The following DNAH7 variants were observed in gnomAD, a reference collection of about 807,000 sequenced individuals.
DNAH7 encodes the protein dynein axonemal heavy chain 7.
Under a neutral mutation model 444.6 loss-of-function variants are expected in DNAH7, and 397 were observed. That is an observed-to-expected ratio of 0.89 (90% CI 0.82 to 0.97). DNAH7 has a LOEUF of 0.97. DNAH7 is among the 50% of genes least tolerant of loss of function. The probability of loss-of-function intolerance (pLI) is 0.00; values close to 1 mark genes in which losing one functional copy is unlikely to be tolerated. For synonymous variants in DNAH7, 1,636 were observed against 1,624.4 expected, an observed-to-expected ratio of 1.01 and a Z score of -0.17; for missense variants, 4,902 against 4,800.8, an observed-to-expected ratio of 1.02 and a Z score of -0.62.
At chr2:195,895,381 TTTC>T (rs1414676949) in intron 29 of DNAH7, among the ~76,000 whole-genome samples, 157 bp from the exon 30 acceptor site, 1 of 152,206 alleles carries the variant, frequency 6.6e-6, no homozygotes, top group African/African-American at 2.4e-5. Flanking sequence ...CGTGTATTTT[TTTC>T]TTTTTTTCAA....
intron 48 of DNAH7, among the ~76,000 whole-genome samples, chr2:195,828,048 T>A (rs192351335): frequency 3.9e-5 from 6 of 152,302 alleles, no homozygotes; most frequent in Non-Finnish European, 7.3e-5. Context: ...TTTCATCCAT[T>A]CCTTATCTAA....
intron 61 of DNAH7, among the ~76,000 whole-genome samples, chr2:195,768,770 C>T (rs573204493): frequency 6.6e-6 from 1 of 152,196 alleles, no homozygotes; most frequent in East Asian, 1.9e-4. Flanking sequence ...GACATTTTTA[C>T]AATATTGAAC....
chr2:195,776,821 TGCTCATAG>T (rs1695087298), intron 59 of DNAH7, among the ~76,000 whole-genome samples: 1 of 152,230 alleles, frequency 6.6e-6, no homozygotes, highest in Non-Finnish European at 1.5e-5. Flanking sequence ...CCTTCCTTGA[TGCTCATAG>T]AATCATATAC....
At chr2:195,940,756 C>A (rs113350994) in intron 19 of DNAH7, among the ~76,000 whole-genome samples, 3,454 of 151,836 alleles carry the variant, frequency 0.023, 107 homozygotes, top group African/African-American at 0.08. Flanking sequence ...ATGTGGCCAA[C>A]AAACCTATGA....
chr2:196,007,543 GT>G (rs1372226965), intron 10 of DNAH7, among the ~76,000 whole-genome samples: 3 of 152,116 alleles, frequency 2.0e-5, no homozygotes, highest in Admixed American at 2.0e-4. Flanking sequence ...TACTGATATG[GT>G]TTGGCTGTGT....
intron 12 of DNAH7, chr2:195,994,354 G>C: frequency 1.6e-6 from 1 of 635,324 alleles, no homozygotes; most frequent in Non-Finnish European, 2.7e-6. Context: ...CAGTCCTCTT[G>C]CAGCAGGGGA....
In DNAH7 at chr2:195,881,825, T is replaced by G. The variant is rs1701399126; in HGVS notation, c.5931A>C (p.Pro1977=). The G allele has an allele frequency of 1.2e-6, 2 of 1,613,944 alleles. No homozygotes were observed. Among genetic ancestry groups the G allele is most frequent in the Non-Finnish European group, 1.7e-6 (2 of 1,179,938 alleles). Residue 1977 remains proline, a synonymous_variant, in exon 36 of 65, where the codon CCA becomes CCC. Coordinates refer to ENST00000312428, the MANE Select transcript of DNAH7 (RefSeq NM_018897.3). ...THQKPSIFVG[P]TGTGKSVYIT... ...TGTAAACACTTTTCCCAGTTCCTGT[T>G]GGTCCTACAAATATTGAAGGCTTTT... is the stretch of plus-strand genomic sequence containing the variant.
chr2:195,822,427 T>C (rs190500003), intron 49 of DNAH7, among the ~76,000 whole-genome samples: 7 of 152,360 alleles, frequency 4.6e-5, no homozygotes, highest in African/African-American at 1.7e-4. Context: ...TATGGTTTCA[T>C]AATTTTATTT....
At chr2:195,764,958 G>A (rs1694506432) in intron 61 of DNAH7, among the ~76,000 whole-genome samples, 1 of 151,326 alleles carries the variant, frequency 6.6e-6, no homozygotes, top group African/African-American at 2.4e-5. Flanking sequence ...ATTAAAACTG[G>A]AGGAATCACA....
At chr2:195,852,915 CAG>C (rs201538951) in intron 46 of DNAH7, among the ~76,000 whole-genome samples, 4,867 of 84,350 alleles carry the variant, frequency 0.058, 92 homozygotes, top group Non-Finnish European at 0.079. Context: ...CACACACACA[CAG>C]AGAGAGAGAG....
intron 12 of DNAH7, 84 bp downstream of exon 12, chr2:196,000,620 G>A (rs867833520): frequency 2.6e-6 from 3 of 1,140,918 alleles, no homozygotes; most frequent in Non-Finnish European, 1.2e-6. Flanking sequence ...TGAAGCAGAG[G>A]ATACCTGCCT....
intron 63 of DNAH7, among the ~76,000 whole-genome samples, chr2:195,749,309 A>G (rs1278028952): frequency 3.3e-5 from 5 of 151,434 alleles, no homozygotes; most frequent in African/African-American, 9.6e-5. Flanking sequence ...TTAGAATGGC[A>G]ATCATTAAAA....
At chr2:196,040,020 G>T (rs1407759710) in intron 5 of DNAH7, among the ~76,000 whole-genome samples, 2 of 151,890 alleles carry the variant, frequency 1.3e-5, no homozygotes, top group African/African-American at 4.8e-5. Context: ...TAATGAGATT[G>T]AATCAGTAAC....
chr2:196,059,716 G>A (rs1698029037), intron 1 of DNAH7, among the ~76,000 whole-genome samples: 1 of 152,140 alleles, frequency 6.6e-6, no homozygotes, highest in Non-Finnish European at 1.5e-5. Flanking sequence ...CACAGAGGGA[G>A]ACTTCCTTGC....
chr2:196,067,563 C>T (rs1698495962), intron 1 of DNAH7, among the ~76,000 whole-genome samples: 1 of 152,038 alleles, frequency 6.6e-6, no homozygotes, highest in African/African-American at 2.4e-5. Context: ...TTAAATTATA[C>T]TTATTTTTTT....
chr2:195,852,907 CACACACACAGAGAG>C (rs1367511202), intron 46 of DNAH7, among the ~76,000 whole-genome samples: 6 of 126,182 alleles, frequency 4.8e-5, no homozygotes, highest in Admixed American at 3.2e-4. Context: ...CACACACACA[CACACACACAGAGAG>C]AGAGAGAGAG....
Position 195,793,124 on chromosome 2 carries a change from T to G in DNAH7, c.10716+1214A>C, listed in dbSNP as rs554262583. Among the ~76,000 whole-genome samples the G allele has an allele frequency of 2.0e-5, 3 of 151,994 alleles. No homozygotes were observed. In the East Asian group the frequency reaches 5.8e-4, roughly 29 times the overall value. ...TTTTATTTATTTATTTTTATAGAGG[T>G]AGGGGTCTCACTATATTGTCCAGGC... On this transcript the variant is annotated intron_variant, in intron 57 of 64. Coordinates refer to ENST00000312428, the MANE Select transcript of DNAH7 (RefSeq NM_018897.3).
chr2:196,063,694 G>A (rs1350543717), intron 1 of DNAH7: 1 of 152,268 alleles, frequency 6.6e-6, no homozygotes, highest in Non-Finnish European at 1.5e-5. Context: ...TGTTGATCCC[G>A]ACTCTCTCCT....
At chr2:195,834,079 T>C (rs992466924) in intron 48 of DNAH7, 127 bp downstream of exon 48, 19 of 940,186 alleles carry the variant, frequency 2.0e-5, no homozygotes, top group African/African-American at 4.9e-5. Flanking sequence ...TGGGGGCATG[T>C]GCCTGTAGTC....
Sources: gnomAD v4.1 joint callset for allele counts (sites outside exome capture counted in the v4.1 genomes callset) on GRCh38, gnomAD v4.1.1 for gene constraint, MANE v1.5 for transcripts, NCBI Gene and HGNC (gene_info 2026-07-23, HGNC 2026-07-21) for gene names.